The following ELF1 variants were observed in gnomAD, a reference collection of about 807,000 sequenced individuals.
The protein encoded by ELF1 is E74 like ETS transcription factor 1, also known as ETS-related transcription factor Elf-1.
ELF1 carries 24 observed loss-of-function variants against 59.9 expected under a neutral mutation model. The ratio of observed to expected loss-of-function variants is 0.40; its 90% CI spans 0.29 to 0.56. ELF1 has a LOEUF of 0.56. ELF1 is among the 20% of genes least tolerant of loss of function. ELF1 has a pLI of 0.44. For missense variants in ELF1, 627 were observed against 742.2 expected, an observed-to-expected ratio of 0.84 and a Z score of 1.80; for synonymous variants, 248 against 266.2, an observed-to-expected ratio of 0.93 and a Z score of 0.67.
intron 8 of ELF1, among the ~76,000 whole-genome samples, chr13:40,939,280 TC>T (rs1180387971): frequency 2.6e-5 from 4 of 152,164 alleles, no homozygotes; most frequent in Admixed American, 6.5e-5. Context: ...GTCATTACAC[TC>T]CAGCCTAGGC....
At chr13:40,937,841 G>T (rs1039589267) in intron 8 of ELF1, among the ~76,000 whole-genome samples, 2 of 151,940 alleles carry the variant, frequency 1.3e-5, no homozygotes, top group Non-Finnish European at 1.5e-5. Flanking sequence ...TTGAGACGGG[G>T]TCTCACTCTG....
At chr13:41,039,930 C>T (rs993961563) in intron 1 of ELF1, among the ~76,000 whole-genome samples, 38 of 152,108 alleles carry the variant, frequency 2.5e-4, no homozygotes, top group African/African-American at 8.9e-4. Context: ...TGTAGTCATA[C>T]AGGAAAAGAT....
chr13:40,963,683 C>A (rs1054787503), intron 2 of ELF1, among the ~76,000 whole-genome samples: 13 of 152,064 alleles, frequency 8.5e-5, no homozygotes, highest in Non-Finnish European at 1.6e-4. Context: ...CCGAGGCGGG[C>A]GGATCACGAG....
intron 1 of ELF1, among the ~76,000 whole-genome samples, chr13:41,018,206 T>A (rs1167059195): frequency 1.3e-5 from 2 of 152,230 alleles, no homozygotes; most frequent in Non-Finnish European, 1.5e-5. Flanking sequence ...TTCATAAATA[T>A]GTTTCAGAAA....
At chr13:40,999,001 A>G (rs892787818) in intron 1 of ELF1, among the ~76,000 whole-genome samples, 1 of 152,200 alleles carries the variant, frequency 6.6e-6, no homozygotes, top group African/African-American at 2.4e-5. Context: ...AAACAAACAA[A>G]AAAAGAATAG....
At chr13:41,001,982 CCT>C (rs1175700162) in intron 1 of ELF1, among the ~76,000 whole-genome samples, 1 of 152,140 alleles carries the variant, frequency 6.6e-6, no homozygotes, top group Non-Finnish European at 1.5e-5. Flanking sequence ...CAATCCAACC[CCT>C]GACAACTGGA....
rs751972706 is a variant in ELF1 at position 40,941,071 on chromosome 13, C to G, written c.1106G>C (p.Arg369Thr). 2 of 1,614,086 alleles carry G rather than the reference C, an allele frequency of 1.2e-6. No homozygotes were observed. The highest frequency in any genetic ancestry group is 1.7e-5 in the Admixed American group (1 of 60,000). ...VEVAQPSEVL[R>T]TVQPTQSPYP... Reference sequence around the variant, plus strand: ...TGGAGACTGCGTGGGCTGCACTGTCCTCAAAACTTCTGATGGTTGTGCAAC... The same window carrying G: ...TGGAGACTGCGTGGGCTGCACTGTCGTCAAAACTTCTGATGGTTGTGCAAC... The change falls in exon 8 of 9, where the codon AGG becomes ACG. Residue 369 changes from arginine to threonine, a missense_variant. Around this residue, in one of 3 missense-constraint regions of ELF1, gnomAD observed 361 missense variants for 396.1 expected, o/e 0.91. Coordinates refer to ENST00000239882, the MANE Select transcript of ELF1 (RefSeq NM_172373.4).
intron 2 of ELF1, among the ~76,000 whole-genome samples, chr13:40,979,503 T>C (rs910268890): frequency 2.0e-5 from 3 of 152,216 alleles, no homozygotes; most frequent in African/African-American, 7.2e-5. Context: ...TACTACTAGG[T>C]AGATCTACTG....
chr13:41,048,475 G>T (rs1876952461), intron 1 of ELF1, among the ~76,000 whole-genome samples: 1 of 152,176 alleles, frequency 6.6e-6, no homozygotes, highest in African/African-American at 2.4e-5. Flanking sequence ...CTGGAGTGCA[G>T]TGGTACAAAC....
chr13:41,002,609 C>A (rs2138339185), intron 1 of ELF1, among the ~76,000 whole-genome samples: 1 of 148,084 alleles, frequency 6.8e-6, no homozygotes, highest in South Asian at 2.1e-4. Context: ...AAAGGCAAGT[C>A]CCATCTCAAA....
At chr13:40,944,668 C>A (rs1870395995) in intron 5 of ELF1, among the ~76,000 whole-genome samples, 1 of 152,124 alleles carries the variant, frequency 6.6e-6, no homozygotes, top group South Asian at 2.1e-4. Flanking sequence ...AGAACCATGG[C>A]CTAGCAGCGC....
intron 1 of ELF1, among the ~76,000 whole-genome samples, chr13:40,993,925 A>G (rs531593410): frequency 6.6e-6 from 1 of 152,098 alleles, no homozygotes; most frequent in African/African-American, 2.4e-5. Context: ...GGATGTCTCA[A>G]TCAAACTTCT....
chr13:41,017,692 A>T (rs1875487835), intron 1 of ELF1, among the ~76,000 whole-genome samples: 1 of 152,252 alleles, frequency 6.6e-6, no homozygotes, highest in Non-Finnish European at 1.5e-5. Context: ...TAAATTTAAG[A>T]AACCAAATTC....
chr13:40,968,052 T>A (rs1239889410), intron 2 of ELF1, among the ~76,000 whole-genome samples: 2 of 152,320 alleles, frequency 1.3e-5, no homozygotes, highest in East Asian at 3.9e-4. Flanking sequence ...AGCAACAACA[T>A]TTAGCTTCAA....
intron 3 of ELF1, among the ~76,000 whole-genome samples, chr13:40,955,180 C>A (rs1871163798): frequency 6.7e-6 from 1 of 150,082 alleles, no homozygotes; most frequent in Admixed American, 6.6e-5. Context: ...GGCAGCCACA[C>A]CCTCTGAGAA....
chr13:40,956,023 T>G (rs111426398), intron 3 of ELF1, among the ~76,000 whole-genome samples: 26 of 144,566 alleles, frequency 1.8e-4, no homozygotes, highest in Non-Finnish European at 3.4e-4. Flanking sequence ...CCGCCCCTAC[T>G]GGGAAGTGAG....
rs188483180 is a variant in ELF1 at position 41,002,804 on chromosome 13, T to C, written c.-229+16424A>G. Among the ~76,000 whole-genome samples the C allele has an allele frequency of 5.7e-3, 862 of 152,174 alleles. 8 individuals carry two copies. The highest frequency in any genetic ancestry group is 0.013 in the South Asian group (64 of 4,816). Reference sequence around the variant, plus strand: ...GGCAAATGCAAATCATAGTAATATGTATGCTATAGCAGAAGTGGGCAAAGT... The same window carrying C: ...GGCAAATGCAAATCATAGTAATATGCATGCTATAGCAGAAGTGGGCAAAGT... On this transcript the variant is annotated intron_variant, in intron 1 of 8. Transcript: ENST00000239882.
chr13:40,995,556 T>C (rs925114441), intron 1 of ELF1, among the ~76,000 whole-genome samples: 7 of 151,882 alleles, frequency 4.6e-5, no homozygotes, highest in South Asian at 4.2e-4. Flanking sequence ...GCACGGTTAA[T>C]GGCACCACAT....
chr13:41,026,907 T>C (rs760503705), intron 1 of ELF1, among the ~76,000 whole-genome samples: 7 of 152,312 alleles, frequency 4.6e-5, no homozygotes, highest in Non-Finnish European at 8.8e-5. Context: ...TCTGGCCTCA[T>C]GAGGAATATT....
Sources: gnomAD v4.1 joint callset for allele counts (sites outside exome capture counted in the v4.1 genomes callset) on GRCh38, gnomAD v4.1.1 for gene constraint, gnomAD v4.1.1 regional missense constraint, MANE v1.5 for transcripts, NCBI Gene and HGNC (gene_info 2026-07-23, HGNC 2026-07-21) for gene names.